The following CARD10 variants were observed in gnomAD, a reference collection of about 807,000 sequenced individuals.
CARD10 encodes caspase recruitment domain family member 10.
In CARD10, 49 loss-of-function variants were observed where a neutral mutation model predicts 114.6. The ratio of observed to expected loss-of-function variants is 0.43; its 90% CI spans 0.34 to 0.54. CARD10 has a LOEUF of 0.54. CARD10 is among the 20% of genes least tolerant of loss of function. The pLI, the probability that CARD10 is intolerant of heterozygous loss-of-function variation, is 0.03. For missense variants in CARD10, 1,206 were observed against 1,397.2 expected (o/e 0.86, Z 2.18); for synonymous variants, 602 against 593.2 (o/e 1.01, Z -0.21).
intron 4 of CARD10, chr22:37,508,978 G>A: frequency 6.5e-7 from 1 of 1,547,090 alleles, no homozygotes; most frequent in Non-Finnish European, 8.7e-7. Context: ...CAAGCACCAG[G>A]CACACACTCG....
In CARD10 at chr22:37,497,004, G is replaced by A. The variant is rs778206356; in HGVS notation, c.1947+15C>T. The A allele has an allele frequency of 1.9e-6, 3 of 1,595,362 alleles. No individual in the cohort carries two copies. Among genetic ancestry groups the A allele is most frequent in the South Asian group, 1.1e-5 (1 of 88,300 alleles). On this transcript the variant is annotated intron_variant, in intron 12 of 19. Transcript: ENST00000251973. ...CACTGACCCTACCCCCCCAGCTCAGGAGGCAGGGCCTCACCTCTCTTGGTT... is the reference window on the plus strand; with the variant it reads ...CACTGACCCTACCCCCCCAGCTCAGAAGGCAGGGCCTCACCTCTCTTGGTT...
At chr22:37,508,929 G>A in intron 4 of CARD10, 1 of 1,459,532 alleles carries the variant, frequency 6.9e-7, no homozygotes. Context: ...AAGTGGAGAA[G>A]GGTGTGACTG....
rs185443560 is a variant in CARD10 at position 37,492,316 on chromosome 22, G to A, written c.2751+119C>T. ...GGAGGGAAAGGACTTGGCCAGGGCCGCCCTGCCAGTGAGCAGCAGAGCATG... is the reference window on the plus strand; with the variant it reads ...GGAGGGAAAGGACTTGGCCAGGGCCACCCTGCCAGTGAGCAGCAGAGCATG... On this transcript the variant is annotated intron_variant, in intron 18 of 19. Transcript: ENST00000251973. The surrounding 1 kb of genome is among the most constrained non-coding windows in gnomAD (Gnocchi z 5.7). 32 of 759,696 alleles carry A rather than the reference G, an allele frequency of 4.2e-5. No individual in the cohort carries two copies. The highest frequency in any genetic ancestry group is 3.9e-4 in the Middle Eastern group (1 of 2,574). The allele number at this position is 759,696 out of a possible 1,614,324, so 47.1% of individuals were successfully genotyped here. A position where few individuals can be genotyped will look rare whatever the true frequency, so the allele number is the denominator to read the frequency against.
At chr22:37,498,263 G>A (rs377102729) in intron 11 of CARD10, among the ~76,000 whole-genome samples, 24 of 152,270 alleles carry the variant, frequency 1.6e-4, no homozygotes, top group Non-Finnish European at 3.4e-4. Flanking sequence ...GAACAGAGGC[G>A]TCTGGTTTTC....
chr22:37,508,492 C>T (rs963628411), intron 5 of CARD10, 35 bp downstream of exon 5: 2 of 1,555,472 alleles, frequency 1.3e-6, no homozygotes, highest in East Asian at 2.3e-5. Flanking sequence ...CTGACACCCT[C>T]CCGCACAAGG....
chr22:37,502,128 G>A (rs1417555110), intron 11 of CARD10, among the ~76,000 whole-genome samples: 1 of 152,246 alleles, frequency 6.6e-6, no homozygotes, highest in East Asian at 1.9e-4. Flanking sequence ...TTATGGACCT[G>A]TGGCTGGCCC....
chr22:37,503,262 C>T (rs770000939), intron 9 of CARD10, 49 bp from the exon 10 acceptor site: 2 of 1,559,618 alleles, frequency 1.3e-6, no homozygotes, highest in Non-Finnish European at 1.7e-6. Context: ...GCACAGTGGG[C>T]ACTCTGCCCC....
Position 37,496,460 on chromosome 22 carries a change from A to G in CARD10, c.2048T>C (p.Met683Thr). ...CAAGCCAGACTTACCCTTCGAGTCC[A>G]TCAGGGAGGGGAGTGTGGACCCCTG... ...WNQGSTLPSL[M>T]DSKACQSFHE... The change falls in exon 13 of 20, where the codon ATG becomes ACG. Residue 683 changes from methionine (M) to threonine (T), a missense_variant. Transcript: ENST00000251973. The surrounding 1 kb of genome is among the most constrained non-coding windows in gnomAD (Gnocchi z 4.1). 6.2e-7 allele frequency: 1 copy of G among 1,611,710 alleles called. No individual in the cohort carries two copies. Among genetic ancestry groups the G allele is most frequent in the East Asian group, 2.2e-5 (1 of 44,836 alleles).
chr22:37,508,870 C>T, intron 4 of CARD10, 188 bp from the exon 5 acceptor site: 1 of 1,239,640 alleles, frequency 8.1e-7, no homozygotes, highest in Non-Finnish European at 1.1e-6. Flanking sequence ...CCCCACAAGC[C>T]CTACCCACCC....
Position 37,508,591 on chromosome 22 carries a change from T to A in CARD10, c.1001A>T (p.Glu334Val). Residue 334 changes from glutamate to valine, a missense_variant, in exon 5 of 20, where the codon GAG becomes GTG. By Grantham distance (121) the Glu-to-Val change is moderately radical (BLOSUM62 -2). Transcript: ENST00000251973. ...CACGGCATGCAGCTTCTGGCACAGCTCCTGCCTGCTGTCCTGCGCCTCCCG... is the reference window on the plus strand; with the variant it reads ...CACGGCATGCAGCTTCTGGCACAGCACCTGCCTGCTGTCCTGCGCCTCCCG... ...DWREAQDSRQ[E>V]LCQKLHAVQG... 1 of 1,591,374 alleles carries A rather than the reference T, an allele frequency of 6.3e-7. No individual in the cohort carries two copies. Among genetic ancestry groups the A allele is most frequent in the Non-Finnish European group, 8.5e-7 (1 of 1,173,832 alleles).
rs746970568 is a variant in CARD10, at chr22:37,504,659, C to G, written c.1494G>C (p.Met498Ile). The change falls in exon 8 of 20, where the codon ATG becomes ATC. Residue 498 changes from methionine (M) to isoleucine (I), a missense_variant. By Grantham distance (10) the Met-to-Ile change is conservative. Coordinates refer to ENST00000251973, the MANE Select transcript of CARD10 (RefSeq NM_014550.4). ...CCGAGTTGTGAGGCTCAGGTCCCCC[C>G]ATGACAGCTGCCTCCCCAGTTGCTT... is the stretch of plus-strand genomic sequence containing the variant. ...GPEATGEAAV[M>I]GGPEPHNSEE... 2 of 1,544,736 alleles carry G rather than the reference C, an allele frequency of 1.3e-6. No individual in the cohort carries two copies. Among genetic ancestry groups the G allele is most frequent in the Middle Eastern group, 1.7e-4 (1 of 5,782 alleles).
intron 3 of CARD10, among the ~76,000 whole-genome samples, chr22:37,513,892 A>C (rs1923746510): frequency 1.3e-5 from 2 of 151,988 alleles, no homozygotes; most frequent in Admixed American, 6.5e-5. Context: ...TGAGGTCAGG[A>C]GTTTGACACC....
At chr22:37,500,840 C>G (rs1021935110) in intron 11 of CARD10, among the ~76,000 whole-genome samples, 2 of 152,112 alleles carry the variant, frequency 1.3e-5, no homozygotes, top group African/African-American at 4.8e-5. Context: ...CATAACTAAC[C>G]GCGAGCATAT....
At chr22:37,507,706 TA>T in intron 6 of CARD10, 122 bp downstream of exon 6, 2 of 1,268,932 alleles carry the variant, frequency 1.6e-6, no homozygotes, top group Non-Finnish European at 2.2e-6. Flanking sequence ...TGCCCCGTCC[TA>T]ACCCAACAGG....
At chr22:37,518,146 G>A in intron 1 of CARD10, 38 bp from the exon 2 acceptor site, 4 of 1,599,438 alleles carry the variant, frequency 2.5e-6, no homozygotes, top group Non-Finnish European at 2.6e-6. Context: ...GGGTCTAGGG[G>A]AAGGCCTCCC....
chr22:37,498,308 C>T (rs559049318), intron 11 of CARD10, among the ~76,000 whole-genome samples: 39 of 152,258 alleles, frequency 2.6e-4, no homozygotes, highest in African/African-American at 9.1e-4. Flanking sequence ...ACAATTAAGA[C>T]GTCACCAAAA....
At chr22:37,517,182 T>A (rs964711078) in intron 2 of CARD10, among the ~76,000 whole-genome samples, 1 of 152,174 alleles carries the variant, frequency 6.6e-6, no homozygotes, top group African/African-American at 2.4e-5. Context: ...TGGAAATGGG[T>A]TAAATGAATT....
At chr22:37,508,799 G>A in intron 4 of CARD10, 117 bp from the exon 5 acceptor site, 1 of 1,278,948 alleles carries the variant, frequency 7.8e-7, no homozygotes, top group Non-Finnish European at 1.1e-6. Context: ...GCTCTGCCAT[G>A]CTGGCCCGGG....
Position 37,519,309 on chromosome 22 carries a change from G to A in CARD10, c.-109C>T. 1 of 1,340,946 alleles carries A rather than the reference G, an allele frequency of 7.5e-7. No individual in the cohort carries two copies. The highest frequency in any genetic ancestry group is 3.1e-5 in the East Asian group (1 of 32,642). The allele number at this position is 1,340,946 out of a possible 1,614,324, so 83.1% of individuals were successfully genotyped here. A position where few individuals can be genotyped will look rare whatever the true frequency, so the allele number is the denominator to read the frequency against. Reference sequence around the variant, plus strand: ...CCGGGGCGTCGTCCGCAGACCCGCCGTCGGGGGCGCGCCCCGAGCTCCCCG... The same window carrying A: ...CCGGGGCGTCGTCCGCAGACCCGCCATCGGGGGCGCGCCCCGAGCTCCCCG... On this transcript the variant is annotated 5_prime_UTR_variant, in exon 1 of 20. In the 5' UTR this introduces an upstream ATG that the reference lacks. Transcript: ENST00000251973. The surrounding 1 kb of genome is among the most constrained non-coding windows in gnomAD (Gnocchi z 4.1).
Sources: gnomAD v4.1 joint callset for allele counts (sites outside exome capture counted in the v4.1 genomes callset) on GRCh38, gnomAD v4.1.1 for gene constraint, Gnocchi (gnomAD v3.1) non-coding constraint, MANE v1.5 for transcripts, NCBI Gene and HGNC (gene_info 2026-07-23, HGNC 2026-07-21) for gene names.